UBE3D: variants seen among roughly 807,000 people sequenced by gnomAD.
The protein encoded by UBE3D is ubiquitin protein ligase E3D, also known as E3 ubiquitin-protein ligase E3D.
UBE3D carries 48 observed loss-of-function variants against 49.6 expected under a neutral mutation model. The ratio of observed to expected loss-of-function variants is 0.97; its 90% CI spans 0.77 to 1.23. UBE3D has a LOEUF of 1.23. UBE3D is among the 50% of genes most tolerant of loss of function. UBE3D has a pLI of 0.00. For synonymous variants in UBE3D, 189 were observed against 174.2 expected (o/e 1.08, Z -0.67); for missense variants, 452 against 468.4 (o/e 0.96, Z 0.32).
In UBE3D at chr6:83,053,552, T is replaced by TA. The variant is rs540951692; in HGVS notation, c.365+595dup. Reference sequence around the variant, plus strand: ...AGAAATTAAAAAGCCTTAGGGACTGTAAAAAAACCCAAAAACAACAACAAC... The same window carrying TA: ...AGAAATTAAAAAGCCTTAGGGACTGTAAAAAAAACCCAAAAACAACAACAAC... On this transcript the variant is annotated intron_variant, in intron 3 of 9. Coordinates refer to ENST00000369747, the MANE Select transcript of UBE3D (RefSeq NM_198920.3). Among the ~76,000 whole-genome samples the TA allele has an allele frequency of 2.9e-3, 447 of 152,072 alleles. 1 individual carries two copies. Among genetic ancestry groups the TA allele is most frequent in the African/African-American group, 9.6e-3 (397 of 41,478 alleles).
chr6:82,931,761 C>G (rs1163837246), intron 9 of UBE3D, among the ~76,000 whole-genome samples: 1 of 152,150 alleles, frequency 6.6e-6, no homozygotes, highest in East Asian at 1.9e-4. Context: ...TTTACAGGCT[C>G]ATAGGCAGAG....
chr6:82,885,137 T>A, the UBE3D span, among the ~76,000 whole-genome samples: 1 of 151,238 alleles, frequency 6.6e-6, no homozygotes, highest in Non-Finnish European at 1.5e-5. Flanking sequence ...TTAATGGCCT[T>A]CACAAATAAT....
At chr6:83,000,347 T>C (rs1779534997) in intron 8 of UBE3D, among the ~76,000 whole-genome samples, 1 of 152,216 alleles carries the variant, frequency 6.6e-6, no homozygotes. Flanking sequence ...CCCAAAACTT[T>C]ATCTTCTTCC....
At chr6:83,009,616 T>C (rs1236253897) in intron 8 of UBE3D, among the ~76,000 whole-genome samples, 1 of 143,890 alleles carries the variant, frequency 6.9e-6, no homozygotes, top group Non-Finnish European at 1.5e-5. Context: ...TCACAGAGAT[T>C]GAGTGAATAT....
chr6:82,915,102 G>A (rs1224915448), intron 9 of UBE3D, among the ~76,000 whole-genome samples: 1 of 152,060 alleles, frequency 6.6e-6, no homozygotes, highest in African/African-American at 2.4e-5. Flanking sequence ...GAAGCAAAAA[G>A]TTTTAAGTTT....
At chr6:82,982,893 G>A (rs1778208758) in intron 8 of UBE3D, among the ~76,000 whole-genome samples, 2 of 152,152 alleles carry the variant, frequency 1.3e-5, no homozygotes, top group Non-Finnish European at 2.9e-5. Flanking sequence ...CAGAGGAAAA[G>A]CTAGATAAAT....
At chr6:82,951,816 G>A (rs991059475) in intron 9 of UBE3D, among the ~76,000 whole-genome samples, 11 of 152,110 alleles carry the variant, frequency 7.2e-5, no homozygotes, top group Admixed American at 2.6e-4. Context: ...CCAAAAGGAC[G>A]ACCATCTAGT....
At chr6:82,973,107 CA>C (rs556261229) in intron 8 of UBE3D, among the ~76,000 whole-genome samples, 1 of 151,904 alleles carries the variant, frequency 6.6e-6, no homozygotes, top group Admixed American at 6.6e-5. Flanking sequence ...GTACAAAAGA[CA>C]AAAAAACAAG....
intron 8 of UBE3D, among the ~76,000 whole-genome samples, chr6:82,971,604 T>C (rs745814685): frequency 3.9e-5 from 6 of 152,066 alleles, no homozygotes; most frequent in Non-Finnish European, 7.4e-5. Flanking sequence ...TTTTTTAAAA[T>C]ATTGAGACAG....
chr6:82,980,672 T>A (rs578214712), intron 8 of UBE3D, among the ~76,000 whole-genome samples: 10 of 152,196 alleles, frequency 6.6e-5, no homozygotes, highest in African/African-American at 2.4e-4. Context: ...GAAGACTTTT[T>A]CCTAAGTTTT....
chr6:83,065,778 G>T lies in UBE3D; in HGVS notation c.-60C>A. On this transcript the variant is annotated 5_prime_UTR_variant, in exon 1 of 10. In the 5' UTR this introduces an upstream ATG that the reference lacks. Transcript: ENST00000369747. ...AGGTTCCGAGGGGCCCGGGTCAACA[G>T]GACCAGGAGAGGTTCCACGTGCGGA... 6.6e-7 allele frequency: 1 copy of T among 1,523,094 alleles called. No homozygotes were observed. Among genetic ancestry groups the T allele is most frequent in the South Asian group, 1.2e-5 (1 of 84,522 alleles). The allele number at this position is 1,523,094 out of a possible 1,614,324, so 94.3% of individuals were successfully genotyped here.
chr6:83,054,503 A>C (rs1472248081), intron 2 of UBE3D, among the ~76,000 whole-genome samples: 1 of 152,142 alleles, frequency 6.6e-6, no homozygotes, highest in Non-Finnish European at 1.5e-5. Context: ...CTCTCATTCT[A>C]AAAATACCAA....
At chr6:82,955,001 G>A (rs1398914140) in intron 9 of UBE3D, among the ~76,000 whole-genome samples, 1 of 152,144 alleles carries the variant, frequency 6.6e-6, no homozygotes, top group Non-Finnish European at 1.5e-5. Context: ...TCAGAAAAGG[G>A]ACTAAAACCA....
At chr6:83,055,390 G>A (rs996837087) in intron 2 of UBE3D, among the ~76,000 whole-genome samples, 1 of 152,152 alleles carries the variant, frequency 6.6e-6, no homozygotes, top group Non-Finnish European at 1.5e-5. Context: ...TTACGCCTTG[G>A]CAATTAAAAA....
chr6:82,936,876 T>C (rs1462304387), intron 9 of UBE3D, among the ~76,000 whole-genome samples: 1 of 152,204 alleles, frequency 6.6e-6, no homozygotes, highest in African/African-American at 2.4e-5. Flanking sequence ...TGTGAAACTT[T>C]CAACTACTAG....
chr6:82,931,150 C>G (rs186065153), intron 9 of UBE3D, among the ~76,000 whole-genome samples: 6 of 152,236 alleles, frequency 3.9e-5, no homozygotes, highest in African/African-American at 1.4e-4. Flanking sequence ...GTGGCTTACA[C>G]ATGGTGTTAG....
intron 8 of UBE3D, among the ~76,000 whole-genome samples, chr6:82,961,899 G>T (rs1776577663): frequency 1.3e-5 from 2 of 151,610 alleles, no homozygotes. Context: ...GAGGCAGAGG[G>T]TGTGGTGAGA....
chr6:82,996,827 G>A (rs148604103), intron 8 of UBE3D, among the ~76,000 whole-genome samples: 1 of 152,322 alleles, frequency 6.6e-6, no homozygotes, highest in East Asian at 1.9e-4. Context: ...TCATAGTCTA[G>A]AGAAGACAAA....
intron 8 of UBE3D, among the ~76,000 whole-genome samples, chr6:82,997,455 C>T (rs1003345400): frequency 1.3e-4 from 20 of 152,190 alleles, no homozygotes; most frequent in Non-Finnish European, 1.8e-4. Context: ...TGCAGTGGCT[C>T]ACGCCTGTAA....
Sources: gnomAD v4.1 joint callset for allele counts (sites outside exome capture counted in the v4.1 genomes callset) on GRCh38, gnomAD v4.1.1 for gene constraint, MANE v1.5 for transcripts, NCBI Gene and HGNC (gene_info 2026-07-23, HGNC 2026-07-21) for gene names.